The following RAP1A variants were observed in gnomAD, a reference collection of about 807,000 sequenced individuals.
RAP1A encodes RAP1A, member of RAS oncogene family.
In RAP1A, 6 loss-of-function variants were observed where a neutral mutation model predicts 26.4. The observed-to-expected ratio is 0.23, with a 90% CI of 0.12 to 0.45. The LOEUF (loss-of-function observed/expected upper bound fraction) is 0.45. Among genes scored for constraint, RAP1A ranks in the 20% least tolerant of loss-of-function variants. RAP1A has a pLI of 0.99. For missense variants in RAP1A, 121 were observed against 217.2 expected (o/e 0.56, Z 2.78); for synonymous variants, 73 against 79.4 (o/e 0.92, Z 0.43).
chr1:111,610,533 AACACAC>A (rs71099922), intron 1 of RAP1A, among the ~76,000 whole-genome samples: 52,092 of 141,548 alleles, frequency 0.37, 9,839 homozygotes, highest in Middle Eastern at 0.5. Flanking sequence ...CCCTCCACCC[AACACAC>A]ACACACACAC....
intron 1 of RAP1A, among the ~76,000 whole-genome samples, chr1:111,670,829 G>GATGGTAA (rs1660949710): frequency 6.6e-6 from 1 of 152,188 alleles, no homozygotes; most frequent in Non-Finnish European, 1.5e-5. Context: ...TCAGATGGTA[G>GATGGTAA]ATTATTGTAT....
At chr1:111,659,052 A>C (rs1660551774) in intron 1 of RAP1A, among the ~76,000 whole-genome samples, 2 of 152,124 alleles carry the variant, frequency 1.3e-5, no homozygotes, top group African/African-American at 4.8e-5. Context: ...TAATATAGCT[A>C]CTGTTAACTT....
chr1:111,619,692 G>T (rs1305255244), upstream of RAP1A: 3 of 392,094 alleles, frequency 7.7e-6, no homozygotes, highest in Non-Finnish European at 1.4e-5. Context: ...TGGGGAAGGC[G>T]GGGCCGAAGC....
At chr1:111,604,555 A>T (rs1056600140) in intron 1 of RAP1A, 1 of 152,238 alleles carries the variant, frequency 6.6e-6, no homozygotes, top group Non-Finnish European at 1.5e-5. Flanking sequence ...AATAATTTTT[A>T]AAAACAGTTC....
At chr1:111,709,400 A>C in intron 7 of RAP1A, 136 bp downstream of exon 7, 1 of 1,014,166 alleles carries the variant, frequency 9.9e-7, no homozygotes, top group Non-Finnish European at 1.3e-6. Flanking sequence ...TATAACTTGT[A>C]GGTACGTCAT....
intron 6 of RAP1A, among the ~76,000 whole-genome samples, chr1:111,708,048 C>T (rs1424376813): frequency 6.6e-6 from 1 of 152,100 alleles, no homozygotes; most frequent in Non-Finnish European, 1.5e-5. Context: ...TCGTGGTGCA[C>T]GCTGTAGCTC....
intron 1 of RAP1A, among the ~76,000 whole-genome samples, chr1:111,620,476 G>A (rs1180551798): frequency 6.6e-6 from 1 of 152,218 alleles, no homozygotes; most frequent in East Asian, 1.9e-4. Flanking sequence ...GGGTTGGAGG[G>A]TTGGGTGAAT....
chr1:111,548,493 A>C (rs1035816411), intron 1 of RAP1A, among the ~76,000 whole-genome samples: 1 of 152,216 alleles, frequency 6.6e-6, no homozygotes, highest in South Asian at 2.1e-4. Flanking sequence ...TGTGCAGCTG[A>C]TCTGGGCACA....
intron 1 of RAP1A, among the ~76,000 whole-genome samples, chr1:111,655,065 G>C (rs1022447198): frequency 1.3e-5 from 2 of 151,802 alleles, no homozygotes; most frequent in Non-Finnish European, 2.9e-5. Context: ...CATAGACCAA[G>C]TAGTTATAGC....
At chr1:111,605,053 G>GGGA (rs1165655791) in intron 1 of RAP1A, among the ~76,000 whole-genome samples, 1 of 152,178 alleles carries the variant, frequency 6.6e-6, no homozygotes, top group Non-Finnish European at 1.5e-5. Flanking sequence ...GGACTGAAGT[G>GGGA]GTTTCCAAGA....
chr1:111,556,011 T>C (rs1309127866), intron 1 of RAP1A, among the ~76,000 whole-genome samples: 1 of 152,232 alleles, frequency 6.6e-6, no homozygotes, highest in Non-Finnish European at 1.5e-5. Context: ...TTGTAAATCA[T>C]GTATGTGATA....
chr1:111,636,400 T>C (rs544623858), intron 1 of RAP1A, among the ~76,000 whole-genome samples: 2 of 152,286 alleles, frequency 1.3e-5, no homozygotes, highest in East Asian at 1.9e-4. Context: ...GTTGCTTATT[T>C]CTTTTCTGTT....
At chr1:111,566,317 A>T (rs1005940356) in intron 1 of RAP1A, among the ~76,000 whole-genome samples, 3 of 152,210 alleles carry the variant, frequency 2.0e-5, no homozygotes, top group African/African-American at 7.2e-5. Context: ...AAGTGGGCTA[A>T]TGTGAGACAT....
chr1:111,545,702 T>C (rs1164582741), intron 1 of RAP1A, among the ~76,000 whole-genome samples: 1 of 152,130 alleles, frequency 6.6e-6, no homozygotes, highest in Non-Finnish European at 1.5e-5. Flanking sequence ...TTACCTAATC[T>C]AAGGTCACAG....
intron 1 of RAP1A, among the ~76,000 whole-genome samples, chr1:111,620,865 A>G (rs140339642): frequency 3.9e-5 from 6 of 152,170 alleles, no homozygotes; most frequent in African/African-American, 1.4e-4. Context: ...TGCTACGGGG[A>G]GAAGATGAGA....
intron 1 of RAP1A, among the ~76,000 whole-genome samples, chr1:111,651,924 A>G (rs1660285219): frequency 6.8e-6 from 1 of 147,452 alleles, no homozygotes; most frequent in South Asian, 2.1e-4. Flanking sequence ...AAATATATGT[A>G]TTTTTTAATT....
intron 1 of RAP1A, among the ~76,000 whole-genome samples, chr1:111,690,343 CT>C (rs1338992846): frequency 6.6e-6 from 1 of 152,178 alleles, no homozygotes; most frequent in Non-Finnish European, 1.5e-5. Flanking sequence ...TTTGCCTTAC[CT>C]TTTGAAGTTA....
chr1:111,699,822 C>T (rs1661962456), intron 4 of RAP1A, among the ~76,000 whole-genome samples: 1 of 152,006 alleles, frequency 6.6e-6, no homozygotes. Flanking sequence ...GTCCATTTAT[C>T]CTAACATCTT....
intron 1 of RAP1A, among the ~76,000 whole-genome samples, chr1:111,633,734 G>A (rs1184796176): frequency 6.6e-6 from 1 of 152,156 alleles, no homozygotes. Context: ...TTTCACTCAA[G>A]TGTTACAACT....
Sources: allele counts gnomAD v4.1 joint callset (sites outside exome capture counted in the v4.1 genomes callset), GRCh38; gene constraint gnomAD v4.1.1; transcripts MANE v1.5; gene names NCBI Gene and HGNC (gene_info 2026-07-23, HGNC 2026-07-21).